The following ALK variants were observed in gnomAD, a reference collection of about 807,000 sequenced individuals.
ALK encodes the protein ALK receptor tyrosine kinase.
In ALK, 74 loss-of-function variants were observed where a neutral mutation model predicts 163.1. The observed-to-expected ratio is 0.45, with a 90% CI of 0.38 to 0.55. The LOEUF (loss-of-function observed/expected upper bound fraction) is 0.55. Among genes scored for constraint, ALK ranks in the 20% least tolerant of loss-of-function variants. The probability of loss-of-function intolerance (pLI) is 0.00; values close to 1 mark genes in which losing one functional copy is unlikely to be tolerated. For synonymous variants in ALK, 960 were observed against 843.2 expected (o/e 1.14, Z -2.40); for missense variants, 2,063 against 2,105.3 (o/e 0.98, Z 0.39).
At chr2:29,767,036 A>G (rs936793693) in intron 1 of ALK, among the ~76,000 whole-genome samples, 1 of 152,242 alleles carries the variant, frequency 6.6e-6, no homozygotes, top group Non-Finnish European at 1.5e-5. Context: ...AATCTCTTAC[A>G]GTGACAATGA....
At chr2:29,863,124 T>A (rs1324631138) in intron 1 of ALK, among the ~76,000 whole-genome samples, 1 of 152,216 alleles carries the variant, frequency 6.6e-6, no homozygotes, top group African/African-American at 2.4e-5. Context: ...TGAAATGGAT[T>A]AATGACTTAA....
At chr2:29,603,548 T>G (rs1675436379) in intron 3 of ALK, among the ~76,000 whole-genome samples, 1 of 152,134 alleles carries the variant, frequency 6.6e-6, no homozygotes, top group African/African-American at 2.4e-5. Context: ...GAGAGTATCA[T>G]GAGGCATGAC....
In ALK at chr2:29,611,106, C is replaced by A. The variant is rs1675679123; in HGVS notation, c.953-78990G>T. Among the ~76,000 whole-genome samples the A allele has an allele frequency of 2.0e-5, 3 of 152,046 alleles. No individual in the cohort carries two copies. In the South Asian group the frequency reaches 6.2e-4, roughly 32 times the overall value. Reference sequence around the variant, plus strand: ...GGCATGGGAATGTTGCCCATCAGACCAAATGTGATACCCCTGGGAATCAAA... The same window carrying A: ...GGCATGGGAATGTTGCCCATCAGACAAAATGTGATACCCCTGGGAATCAAA... On this transcript the variant is annotated intron_variant, in intron 3 of 28. Transcript: ENST00000389048.
At chr2:29,733,419 C>A (rs1488968485) in intron 1 of ALK, among the ~76,000 whole-genome samples, 1 of 152,190 alleles carries the variant, frequency 6.6e-6, no homozygotes, top group African/African-American at 2.4e-5. Context: ...GAGTTGAGAT[C>A]ATGGGTTTAG....
At chr2:29,728,192 C>A (rs777742914) in intron 1 of ALK, among the ~76,000 whole-genome samples, 1 of 152,238 alleles carries the variant, frequency 6.6e-6, no homozygotes, top group Non-Finnish European at 1.5e-5. Context: ...CAGCACCATA[C>A]TGGGGGCTTT....
At chr2:29,736,193 A>T (rs1248485619) in intron 1 of ALK, among the ~76,000 whole-genome samples, 1 of 152,108 alleles carries the variant, frequency 6.6e-6, no homozygotes. Context: ...ACATAGGGAA[A>T]TATTTACATT....
chr2:29,406,967 C>T (rs1669600418), intron 4 of ALK, among the ~76,000 whole-genome samples: 1 of 151,730 alleles, frequency 6.6e-6, no homozygotes, highest in African/African-American at 2.4e-5. Flanking sequence ...TCCTGCTTCC[C>T]ATCCTGGCAC....
intron 2 of ALK, among the ~76,000 whole-genome samples, chr2:29,700,266 C>A (rs1678693110): frequency 6.6e-6 from 1 of 152,216 alleles, no homozygotes; most frequent in African/African-American, 2.4e-5. Flanking sequence ...AAAAGCTTGG[C>A]TGGGTGCAGT....
intron 11 of ALK, among the ~76,000 whole-genome samples, chr2:29,273,667 T>A (rs1665453666): frequency 6.6e-6 from 1 of 152,134 alleles, no homozygotes; most frequent in African/African-American, 2.4e-5. Context: ...GTTTCTGGAG[T>A]CTCTGCTGTG....
At chr2:29,692,569 G>A (rs951305989) in intron 3 of ALK, among the ~76,000 whole-genome samples, 2 of 152,192 alleles carry the variant, frequency 1.3e-5, no homozygotes, top group African/African-American at 2.4e-5. Context: ...TACGATTCAC[G>A]TTTTTATAAT....
chr2:29,696,530 TAAAAAAAAAAAAA>T (rs60320646), intron 2 of ALK, among the ~76,000 whole-genome samples: 2 of 103,838 alleles, frequency 1.9e-5, no homozygotes, highest in Admixed American at 1.0e-4. Context: ...CTTAAAGGAT[TAAAAAAAAAAAAA>T]AAAAAAAAAA....
chr2:29,890,690 G>A (rs1409164058), intron 1 of ALK: 1 of 152,186 alleles, frequency 6.6e-6, no homozygotes, highest in Non-Finnish European at 1.5e-5. Flanking sequence ...CATCAGTCCT[G>A]CTTCACATAT....
At chr2:29,508,733 CAAA>C (rs60719550) in intron 4 of ALK, among the ~76,000 whole-genome samples, 1,094 of 65,500 alleles carry the variant, frequency 0.017, 9 homozygotes, top group African/African-American at 0.064. Flanking sequence ...ATCTGCAACT[CAAA>C]AAAAAAAAAA....
chr2:29,395,749 T>C (rs780151375), intron 4 of ALK, among the ~76,000 whole-genome samples: 1 of 152,216 alleles, frequency 6.6e-6, no homozygotes, highest in Non-Finnish European at 1.5e-5. Flanking sequence ...GGTCCTGCCC[T>C]GTACCAGGGA....
intron 4 of ALK, among the ~76,000 whole-genome samples, chr2:29,530,467 C>A (rs1396437052): frequency 6.6e-6 from 1 of 152,216 alleles, no homozygotes; most frequent in East Asian, 1.9e-4. Flanking sequence ...GCCACCAGCA[C>A]CACAATGGAC....
chr2:29,354,371 C>T (rs1445711085), intron 5 of ALK, among the ~76,000 whole-genome samples: 2 of 152,146 alleles, frequency 1.3e-5, no homozygotes, highest in Non-Finnish European at 2.9e-5. Flanking sequence ...CAGATCTGGG[C>T]CCATCAGATT....
intron 1 of ALK, among the ~76,000 whole-genome samples, chr2:29,812,397 A>G (rs1250322662): frequency 6.6e-6 from 1 of 152,030 alleles, no homozygotes; most frequent in East Asian, 1.9e-4. Flanking sequence ...CACTCCATGG[A>G]GTCAGAAAGA....
intron 13 of ALK, among the ~76,000 whole-genome samples, chr2:29,237,287 C>T (rs1378359733): frequency 1.3e-5 from 2 of 152,194 alleles, no homozygotes; most frequent in African/African-American, 2.4e-5. Context: ...ATAGATTCTT[C>T]TATGGTAGAT....
Position 29,597,830 on chromosome 2 carries a change from A to G in ALK, c.953-65714T>C, listed in dbSNP as rs924313850. ...CAGGGTAATAGGGAGATAGCGGGGC[A>G]GGTGGAGGGATATTGGGGTGTGGTG... On this transcript the variant is annotated intron_variant, in intron 3 of 28. Transcript: ENST00000389048. Among the ~76,000 whole-genome samples the G allele has an allele frequency of 2.0e-5, 3 of 152,198 alleles. No homozygotes were observed. The East Asian group carries it at 5.8e-4, about 29-fold the overall frequency.
Sources: allele counts gnomAD v4.1 joint callset (sites outside exome capture counted in the v4.1 genomes callset), GRCh38; gene constraint gnomAD v4.1.1; transcripts MANE v1.5; gene names NCBI Gene and HGNC (gene_info 2026-07-23, HGNC 2026-07-21).